PSMA8: variants seen among roughly 807,000 people sequenced by gnomAD.
The protein encoded by PSMA8 is proteasome subunit alpha-type 8.
A neutral mutation model predicts 32.4 loss-of-function variants in PSMA8; 18 were observed. The observed-to-expected ratio is 0.56, with a 90% CI of 0.38 to 0.82. The LOEUF (loss-of-function observed/expected upper bound fraction) is 0.82. Among genes scored for constraint, PSMA8 ranks in the 40% least tolerant of loss-of-function variants. PSMA8 has a pLI of 0.00. For missense variants in PSMA8, 298 were observed against 300.7 expected (o/e 0.99, Z 0.07); for synonymous variants, 104 against 98.1 (o/e 1.06, Z -0.36).
At chr18:26,163,574 A>G (rs2055155859) in intron 4 of PSMA8, among the ~76,000 whole-genome samples, 1 of 152,206 alleles carries the variant, frequency 6.6e-6, no homozygotes. Context: ...TCAAAATCTC[A>G]AACTTTTTGA....
chr18:26,157,081 A>C (rs2144304426), intron 3 of PSMA8, among the ~76,000 whole-genome samples: 1 of 151,570 alleles, frequency 6.6e-6, no homozygotes, highest in Middle Eastern at 3.4e-3. Flanking sequence ...CACTGCATCC[A>C]ACCTAAAAAT....
In PSMA8 at chr18:26,181,709, A is replaced by G. The variant is rs540485688; in HGVS notation, c.660+2579A>G. On this transcript the variant is annotated intron_variant, in intron 6 of 6. Transcript: ENST00000415576. ...TGAATGATAAGAAACTGAAACAGCC[A>G]GGCCAGGCGTGGTGGCACGCACCTG... is the stretch of plus-strand genomic sequence containing the variant. 1.1e-4 allele frequency among the ~76,000 whole-genome samples: 16 copies of G among 152,370 alleles called. No individual in the cohort carries two copies. In the East Asian group the frequency reaches 1.9e-3, roughly 18 times the overall value.
intron 2 of PSMA8, among the ~76,000 whole-genome samples, chr18:26,147,072 G>C (rs908335161): frequency 6.6e-6 from 1 of 151,840 alleles, no homozygotes; most frequent in African/African-American, 2.4e-5. Flanking sequence ...CAGCATTGGG[G>C]GATAGTGCTA....
At chr18:26,143,681 T>C (rs1209828680) in intron 1 of PSMA8, among the ~76,000 whole-genome samples, 1 of 152,168 alleles carries the variant, frequency 6.6e-6, no homozygotes, top group Non-Finnish European at 1.5e-5. Flanking sequence ...CTATGACTGC[T>C]GTCACTCATG....
chr18:26,182,284 G>T (rs1334329065), intron 6 of PSMA8, among the ~76,000 whole-genome samples: 1 of 152,210 alleles, frequency 6.6e-6, no homozygotes, highest in African/African-American at 2.4e-5. Flanking sequence ...AGATGAAACA[G>T]CTTTCTGCTG....
At chr18:26,191,858 T>G (rs1460850549) in intron 6 of PSMA8, among the ~76,000 whole-genome samples, 2 of 152,120 alleles carry the variant, frequency 1.3e-5, no homozygotes, top group Non-Finnish European at 2.9e-5. Flanking sequence ...AAATAAAACC[T>G]TTTTTGCTTT....
intron 1 of PSMA8, among the ~76,000 whole-genome samples, chr18:26,141,429 A>G (rs369389511): frequency 2.1e-4 from 32 of 152,280 alleles, no homozygotes; most frequent in Admixed American, 3.3e-4. Context: ...CTTGTGACCA[A>G]TAAATTTAAC....
intron 4 of PSMA8, among the ~76,000 whole-genome samples, chr18:26,165,790 C>A (rs1353371462): frequency 6.6e-6 from 1 of 152,144 alleles, no homozygotes. Flanking sequence ...ATTTGCTACT[C>A]ATTGTTTAAA....
chr18:26,148,695 G>A (rs1367737666), intron 2 of PSMA8, among the ~76,000 whole-genome samples: 1 of 152,030 alleles, frequency 6.6e-6, no homozygotes, highest in Non-Finnish European at 1.5e-5. Flanking sequence ...ATAAATAAAG[G>A]TATCCAAATT....
intron 2 of PSMA8, among the ~76,000 whole-genome samples, chr18:26,147,361 G>T (rs895176421): frequency 6.6e-6 from 1 of 151,790 alleles, no homozygotes; most frequent in African/African-American, 2.4e-5. Flanking sequence ...CACCCATGGG[G>T]CAATGAAAAA....
At chr18:26,141,724 T>TC (rs1175464329) in intron 1 of PSMA8, among the ~76,000 whole-genome samples, 1 of 147,438 alleles carries the variant, frequency 6.8e-6, no homozygotes, top group Admixed American at 6.7e-5. Context: ...TTTTTTTTTT[T>TC]TTTTTTTTTG....
intron 3 of PSMA8, among the ~76,000 whole-genome samples, chr18:26,153,990 C>T (rs923856790): frequency 6.6e-6 from 1 of 152,130 alleles, no homozygotes; most frequent in African/African-American, 2.4e-5. Flanking sequence ...CAACCTCTGC[C>T]GCACAGGTTC....
intron 1 of PSMA8, among the ~76,000 whole-genome samples, chr18:26,142,143 C>T (rs990521655): frequency 6.6e-6 from 1 of 151,020 alleles, no homozygotes; most frequent in African/African-American, 2.4e-5. Flanking sequence ...AGGTTCACGC[C>T]ATTCTCCTAC....
At chr18:26,184,549 G>C (rs1189666647) in intron 6 of PSMA8, among the ~76,000 whole-genome samples, 1 of 149,808 alleles carries the variant, frequency 6.7e-6, no homozygotes, top group Non-Finnish European at 1.5e-5. Context: ...GAGGCGGGTG[G>C]ATCACCTGAG....
chr18:26,184,223 TC>T (rs2055334749), intron 6 of PSMA8, among the ~76,000 whole-genome samples: 1 of 150,682 alleles, frequency 6.6e-6, no homozygotes, highest in Non-Finnish European at 1.5e-5. Context: ...AGAGAGAATA[TC>T]AATATGTAGT....
chr18:26,175,029 A>G (rs1598665166), intron 4 of PSMA8, among the ~76,000 whole-genome samples: 1 of 152,348 alleles, frequency 6.6e-6, no homozygotes, highest in South Asian at 2.1e-4. Flanking sequence ...GCTGTTTAAT[A>G]TAATCCTCCA....
At chr18:26,156,330 T>C (rs2055088655) in intron 3 of PSMA8, among the ~76,000 whole-genome samples, 1 of 152,098 alleles carries the variant, frequency 6.6e-6, no homozygotes, top group African/African-American at 2.4e-5. Flanking sequence ...GGTAAAGAAA[T>C]CAGTATATCC....
At chr18:26,191,382 A>C (rs960089326) in intron 6 of PSMA8, among the ~76,000 whole-genome samples, 2 of 152,054 alleles carry the variant, frequency 1.3e-5, no homozygotes. Flanking sequence ...TAATCCCAGC[A>C]CTTTGGGAGG....
At chr18:26,173,514 C>T (rs768336669) in intron 4 of PSMA8, among the ~76,000 whole-genome samples, 1 of 151,892 alleles carries the variant, frequency 6.6e-6, no homozygotes, top group Non-Finnish European at 1.5e-5. Context: ...ATCTATCTCT[C>T]CCCCACTAAG....
Sources: gnomAD v4.1 joint callset for allele counts (sites outside exome capture counted in the v4.1 genomes callset) on GRCh38, gnomAD v4.1.1 for gene constraint, MANE v1.5 for transcripts, NCBI Gene and HGNC (gene_info 2026-07-23, HGNC 2026-07-21) for gene names.